The following VCP variants were observed in gnomAD, a reference collection of about 807,000 sequenced individuals.
The protein encoded by VCP is transitional endoplasmic reticulum ATPase.
A neutral mutation model predicts 85.7 loss-of-function variants in VCP; 6 were observed. The observed-to-expected ratio is 0.07, with a 90% CI of 0.04 to 0.14. The LOEUF (loss-of-function observed/expected upper bound fraction) is 0.14. VCP is among the 10% of genes least tolerant of loss of function. The pLI is 1.00. For synonymous variants in VCP, 384 were observed against 367.1 expected (o/e 1.05, Z -0.53); for missense variants, 353 against 1,043.4 (o/e 0.34, Z 9.12).
intron 10 of VCP, 107 bp from the exon 11 acceptor site, chr9:35,061,286 T>C: frequency 6.9e-7 from 1 of 1,439,500 alleles, no homozygotes; most frequent in Admixed American, 1.8e-5. Flanking sequence ...GGTCCTCTCA[T>C]TTCCTTGAAT....
chr9:35,064,114 G>A, intron 6 of VCP, 40 bp downstream of exon 6: 1 of 1,613,632 alleles, frequency 6.2e-7, no homozygotes, highest in Non-Finnish European at 8.5e-7. Flanking sequence ...TTAGACATTG[G>A]CACCACTTTA....
chr9:35,061,944 AT>A (rs1156431150), intron 9 of VCP, 58 bp downstream of exon 9: 1 of 1,613,388 alleles, frequency 6.2e-7, no homozygotes, highest in African/African-American at 1.3e-5. Context: ...GGTGACTTAG[AT>A]GAAGGAGAGA....
Position 35,064,193 on chromosome 9 carries a change from G to A in VCP, c.669C>T (p.Pro223=), listed in dbSNP as rs1163097531. The A allele has an allele frequency of 6.2e-7, 1 of 1,614,170 alleles. No individual in the cohort carries two copies. The highest frequency in any genetic ancestry group is 8.5e-7 in the Non-Finnish European group (1 of 1,180,044). Residue 223 remains proline, a synonymous_variant, in exon 6 of 17, where the codon CCC becomes CCT. Transcript: ENST00000358901. ...LAQIKEMVEL[P]LRHPALFKAI... ...CCTTAAAGAGGGCAGGATGTCTCAGGGGCAGTTCCACCATCTCCTTTATCT... is the reference window on the plus strand; with the variant it reads ...CCTTAAAGAGGGCAGGATGTCTCAGAGGCAGTTCCACCATCTCCTTTATCT...
rs1828784075 is a variant in VCP at position 35,064,287 on chromosome 9, T to C, written c.577-2A>G. 1 of 1,614,092 alleles carries C rather than the reference T, an allele frequency of 6.2e-7. No individual in the cohort carries two copies. Among genetic ancestry groups the C allele is most frequent in the Non-Finnish European group, 8.5e-7 (1 of 1,180,032 alleles). ...TTCATTCAAGGACTCTTCCTCATCC[T>C]GAATATGGAGGAGATAAAGAAAGGA... On this transcript the variant is annotated splice_acceptor_variant, in intron 5 of 16. Coordinates refer to ENST00000358901, the MANE Select transcript of VCP (RefSeq NM_007126.5). LOFTEE classifies it high-confidence loss of function.
At chr9:35,067,426 C>T (rs1828855166) in intron 3 of VCP, among the ~76,000 whole-genome samples, 1 of 152,028 alleles carries the variant, frequency 6.6e-6, no homozygotes, top group African/African-American at 2.4e-5. Flanking sequence ...TCCAACTATT[C>T]CTCTCTCCCG....
At position 35,062,235 on chromosome 9, in the gene VCP, G is replaced by A. The variant is rs34097935; in HGVS notation, c.927C>T (p.Ile309=). The A allele has an allele frequency of 5.1e-4, 826 of 1,614,082 alleles. 4 individuals are homozygous for A. The African/African-American group carries it at 8.6e-3, about 17-fold the overall frequency. Residue 309 remains isoleucine, a synonymous_variant, in exon 8 of 17, where the codon ATC becomes ATT. Transcript: ENST00000358901. ...CTCCTACTTTCTCTCTTTTGGGAGC[G>A]ATGGCATCTAGCTCATCAATGAAGA... ...AIIFIDELDA[I]APKREKTHGE... is the part of the protein sequence containing the mutation.
Position 35,059,961 on chromosome 9 carries a change from T to C in VCP, c.1696-160A>G, listed in dbSNP as rs1313591244. 38 of 891,910 alleles carry C rather than the reference T, an allele frequency of 4.3e-5. No individual in the cohort carries two copies. Among genetic ancestry groups the C allele is most frequent in the Middle Eastern group, 3.3e-4 (1 of 3,032 alleles). The allele number at this position is 891,910 out of a possible 1,614,324, so 55.2% of individuals were successfully genotyped here. A position where few individuals can be genotyped will look rare whatever the true frequency, so the allele number is the denominator to read the frequency against. ...CAGCATGGGCAACATACTGAGACTT[T>C]GTCTCTACAAAAAATAAAAAATTAG... On this transcript the variant is annotated intron_variant, in intron 13 of 16. Coordinates refer to ENST00000358901, the MANE Select transcript of VCP (RefSeq NM_007126.5). This position sits in a 1 kb window ranked among gnomAD's most constrained non-coding sequence, Gnocchi z 4.9.
Position 35,061,705 on chromosome 9 carries a change from CAAACAT to C in VCP, c.1082-22_1082-17del. On this transcript the variant is annotated splice_polypyrimidine_tract_variant and intron_variant, in intron 9 of 16. Coordinates refer to ENST00000358901, the MANE Select transcript of VCP (RefSeq NM_007126.5). ...TCAAAGCGACCTGTGGGACAGTACA[CAAACAT>C]AAACAGGGCTCATCTCTAGTCCAGA... is the stretch of plus-strand genomic sequence containing the variant. 2 of 1,597,680 alleles carry C rather than the reference CAAACAT, an allele frequency of 1.3e-6. No individual in the cohort carries two copies. The highest frequency in any genetic ancestry group is 1.7e-6 in the Non-Finnish European group (2 of 1,164,822).
At chr9:35,058,135 A>G (rs1828647002) in intron 15 of VCP, among the ~76,000 whole-genome samples, 1 of 152,206 alleles carries the variant, frequency 6.6e-6, no homozygotes, top group African/African-American at 2.4e-5. Context: ...AGCCCAGCTC[A>G]AAACCTATCT....
Position 35,066,747 on chromosome 9 carries a change from C to T in VCP, c.373G>A (p.Gly125Ser). 6.2e-7 allele frequency: 1 copy of T among 1,614,122 alleles called. No homozygotes were observed. Among genetic ancestry groups the T allele is most frequent in the South Asian group, 1.1e-5 (1 of 91,080 alleles). The change falls in exon 4 of 17, where the codon GGC becomes AGC. Residue 125 changes from glycine to serine, a missense_variant. Gly to Ser is a moderately conservative substitution (Grantham distance 56). Coordinates refer to ENST00000358901, the MANE Select transcript of VCP (RefSeq NM_007126.5). Reference protein sequence around the residue: ...HVLPIDDTVEGITGNLFEVYL... With the variant: ...HVLPIDDTVESITGNLFEVYL... The stretch of plus-strand genomic sequence containing the variant: ...ACCTCGAAGAGATTACCAGTAATGC[C>T]TTCCACTGTGTCATCAATGGGCAGC...
chr9:35,068,882 T>C (rs1828885054), intron 1 of VCP, among the ~76,000 whole-genome samples: 1 of 152,136 alleles, frequency 6.6e-6, no homozygotes, highest in Admixed American at 6.5e-5. Flanking sequence ...AGGGAGATAA[T>C]GAATGTAAAA....
rs950744297 is a variant in VCP at position 35,061,764 on chromosome 9, C to T, written c.1082-75G>A. On this transcript the variant is annotated intron_variant, in intron 9 of 16. Coordinates refer to ENST00000358901, the MANE Select transcript of VCP (RefSeq NM_007126.5). ...TAAGAGACAGGCCTAGGGTGACCAA[C>T]CATCTCAGCCAGCACAGGATTGTCC... 5.7e-6 allele frequency: 8 copies of T among 1,406,170 alleles called. No homozygotes were observed. In the Middle Eastern group the frequency reaches 1.1e-3, roughly 186 times the overall value. 87.1% of individuals were successfully genotyped at this position (1,406,170 alleles called of 1,614,324 possible).
At chr9:35,071,631 G>A (rs914734584) in intron 1 of VCP, 16 of 882,146 alleles carry the variant, frequency 1.8e-5, no homozygotes, top group Non-Finnish European at 2.2e-5. Context: ...TAACATTAAG[G>A]AAAACTGGCT....
In VCP at chr9:35,068,318, T is replaced by C. The variant is rs1409460709; in HGVS notation, c.62A>G (p.Asn21Ser). The C allele has an allele frequency of 3.7e-6, 6 of 1,614,190 alleles. No homozygotes were observed. In the Admixed American group the frequency reaches 8.3e-5, roughly 22 times the overall value. The change falls in exon 2 of 17, where the codon AAC becomes AGC. Residue 21 changes from asparagine to serine, a missense_variant. Transcript: ENST00000358901. ...ATCAACAATTAACCGATTGGGACGG[T>C]TCTTCTGTTTGAGAATGGCTGTTGA... ...DLSTAILKQK[N>S]RPNRLIVDEA...
intron 4 of VCP, among the ~76,000 whole-genome samples, 185 bp downstream of exon 4, chr9:35,066,490 T>C (rs1164554210): frequency 1.3e-5 from 2 of 151,132 alleles, no homozygotes. Context: ...GCCTCCCAAA[T>C]TGCTGGGATT....
At position 35,064,136 on chromosome 9, in the gene VCP, A is replaced by T. The variant is rs774905848; in HGVS notation, c.708+18T>A. 1.2e-6 allele frequency: 2 copies of T among 1,614,124 alleles called. No individual in the cohort carries two copies. Among genetic ancestry groups the T allele is most frequent in the Non-Finnish European group, 1.7e-6 (2 of 1,179,996 alleles). On this transcript the variant is annotated intron_variant, in intron 6 of 16. Transcript: ENST00000358901. ...TTGGCACCACTTTAGACTTGATTCC[A>T]GAGCCCAGGATGCTCACCTTCACAC...
chr9:35,068,386 TA>T, intron 1 of VCP, 24 bp from the exon 2 acceptor site: 1 of 1,597,102 alleles, frequency 6.3e-7, no homozygotes, highest in Non-Finnish European at 8.6e-7. Context: ...ATGGAGTCAG[TA>T]GATACTCCTG....
intron 12 of VCP, 104 bp downstream of exon 12, chr9:35,060,697 C>T (rs1363929324): frequency 1.8e-5 from 29 of 1,594,520 alleles, no homozygotes; most frequent in Non-Finnish European, 2.5e-5. Flanking sequence ...GTTCCTAAGT[C>T]GTGCTCTCAC....
intron 13 of VCP, among the ~76,000 whole-genome samples, 180 bp downstream of exon 13, chr9:35,060,131 AAG>A (rs1347258525): frequency 5.8e-5 from 4 of 69,320 alleles, no homozygotes; most frequent in Admixed American, 2.2e-4. Context: ...ACCCTGTCTC[AAG>A]AGAGAGAGAG....
Sources: gnomAD v4.1 joint callset for allele counts (sites outside exome capture counted in the v4.1 genomes callset) on GRCh38, gnomAD v4.1.1 for gene constraint, Gnocchi (gnomAD v3.1) non-coding constraint, MANE v1.5 for transcripts, NCBI Gene and HGNC (gene_info 2026-07-23, HGNC 2026-07-21) for gene names.